Variants in ASTN2 observed in about 807,000 individuals in gnomAD.
ASTN2 encodes astrotactin-2.
Under a neutral mutation model 139.8 loss-of-function variants are expected in ASTN2, and 54 were observed. That is an observed-to-expected ratio of 0.39 (90% CI 0.31 to 0.48). The LOEUF (loss-of-function observed/expected upper bound fraction) is 0.48, where lower values mean the gene tolerates loss of function less well. ASTN2 is among the 20% of genes least tolerant of loss of function. ASTN2 has a pLI of 0.95. For missense variants in ASTN2, 1,565 were observed against 1,725.1 expected (o/e 0.91, Z 1.64); for synonymous variants, 756 against 719.5 (o/e 1.05, Z -0.81).
At chr9:116,848,735 C>T (rs1002343544) in intron 11 of ASTN2, among the ~76,000 whole-genome samples, 1 of 152,172 alleles carries the variant, frequency 6.6e-6, no homozygotes, top group African/African-American at 2.4e-5. Flanking sequence ...CCTCTGGTCA[C>T]CAAGAAGTGT....
chr9:117,137,857 C>T (rs67284826), intron 4 of ASTN2, among the ~76,000 whole-genome samples: 2 of 151,986 alleles, frequency 1.3e-5, no homozygotes, highest in Non-Finnish European at 2.9e-5. Flanking sequence ...AAATCACAAG[C>T]ATACTGTGAT....
At chr9:117,156,555 T>C (rs1259495098) in intron 3 of ASTN2, among the ~76,000 whole-genome samples, 1 of 151,992 alleles carries the variant, frequency 6.6e-6, no homozygotes, top group Non-Finnish European at 1.5e-5. Context: ...CTGCCAGATG[T>C]CCATTCAGGT....
At chr9:117,189,568 GA>G (rs545966445) in intron 3 of ASTN2, among the ~76,000 whole-genome samples, 372 of 152,238 alleles carry the variant, frequency 2.4e-3, no homozygotes, top group Non-Finnish European at 4.6e-3. Context: ...TCCATTTCTT[GA>G]GTCAAAACAC....
At chr9:116,835,771 G>GCTCTA (rs1278599897) in intron 11 of ASTN2, among the ~76,000 whole-genome samples, 3 of 152,214 alleles carry the variant, frequency 2.0e-5, no homozygotes, top group Admixed American at 2.0e-4. Context: ...TACAGAGTTT[G>GCTCTA]GCTCTTCTCA....
chr9:116,538,363 A>G (rs1696287505), intron 19 of ASTN2, among the ~76,000 whole-genome samples: 1 of 152,042 alleles, frequency 6.6e-6, no homozygotes, highest in African/African-American at 2.4e-5. Context: ...GAAGGAAGGA[A>G]ACAAGGAAGG....
intron 13 of ASTN2, among the ~76,000 whole-genome samples, chr9:116,742,443 A>G (rs988835865): frequency 1.9e-4 from 29 of 152,364 alleles, no homozygotes; most frequent in African/African-American, 6.5e-4. Context: ...GGAGTGCCTC[A>G]GTGACCCTCC....
At chr9:116,816,855 AGACAAAATG>A (rs1258385216) in intron 12 of ASTN2, among the ~76,000 whole-genome samples, 1 of 151,306 alleles carries the variant, frequency 6.6e-6, no homozygotes, top group Non-Finnish European at 1.5e-5. Flanking sequence ...TAAGAATTTG[AGACAAAATG>A]TAAATATTCC....
intron 17 of ASTN2, among the ~76,000 whole-genome samples, chr9:116,625,560 C>T (rs1856406788): frequency 8.1e-6 from 1 of 122,766 alleles, no homozygotes; most frequent in African/African-American, 3.0e-5. Context: ...CCAGCATGTC[C>T]TCTCACAGCT....
At chr9:117,160,937 GTACACACACACACACACGCACACA>G (rs1830536444) in intron 3 of ASTN2, among the ~76,000 whole-genome samples, 1 of 151,636 alleles carries the variant, frequency 6.6e-6, no homozygotes, top group Non-Finnish European at 1.5e-5. Context: ...AAATTATAAA[GTACACACACACACACACGCACACA>G]TACACACACA....
intron 20 of ASTN2, among the ~76,000 whole-genome samples, chr9:116,449,287 T>C (rs113346896): frequency 0.018 from 2,777 of 152,152 alleles, 82 homozygotes; most frequent in African/African-American, 0.064. Context: ...ACACTGGTAG[T>C]CCCAGCTACT....
intron 1 of ASTN2, among the ~76,000 whole-genome samples, chr9:117,401,188 T>C (rs4240422): frequency 0.53 from 79,836 of 151,926 alleles, 21,318 homozygotes; most frequent in Admixed American, 0.62. Flanking sequence ...ACTATCACCC[T>C]GATTTCTGCC....
intron 17 of ASTN2, among the ~76,000 whole-genome samples, chr9:116,628,647 G>A (rs746299135): frequency 6.6e-6 from 1 of 152,206 alleles, no homozygotes; most frequent in Non-Finnish European, 1.5e-5. Flanking sequence ...TAAGATACTG[G>A]TGTATACATG....
At chr9:117,357,520 G>T (rs533385786) in intron 1 of ASTN2, among the ~76,000 whole-genome samples, 2 of 152,084 alleles carry the variant, frequency 1.3e-5, no homozygotes, top group Admixed American at 1.3e-4. Flanking sequence ...AGCAGGTTCA[G>T]AGTGTTACCA....
chr9:117,012,445 G>A (rs1837563646), intron 6 of ASTN2, among the ~76,000 whole-genome samples: 2 of 152,128 alleles, frequency 1.3e-5, no homozygotes, highest in South Asian at 2.1e-4. Flanking sequence ...TTTACCCAAC[G>A]TTGATTAAAC....
intron 1 of ASTN2, among the ~76,000 whole-genome samples, chr9:117,407,773 T>C (rs1368104814): frequency 6.6e-6 from 1 of 152,176 alleles, no homozygotes; most frequent in African/African-American, 2.4e-5. Flanking sequence ...TGCCTGCCTC[T>C]TTCTGGGGGC....
In ASTN2 at chr9:116,863,628, G is replaced by T. The variant is rs533604068; in HGVS notation, c.1995C>A (p.Asn665Lys). The T allele has an allele frequency of 6.2e-7, 1 of 1,614,076 alleles. No individual in the cohort carries two copies. Among genetic ancestry groups the T allele is most frequent in the African/African-American group, 1.3e-5 (1 of 74,942 alleles). ...CCTGCCGGTCAGACACACACTTGAA[G>T]TTGCGAGTGCAGCCCCCATTGTTCC... ...CSRNNGGCTR[N>K]FKCVSDRQVD... Residue 665 changes from asparagine (N) to lysine (K), a missense_variant, in exon 11 of 23, where the codon AAC (asparagine) becomes AAA (lysine). Physicochemically the swap from Asn to Lys is moderately conservative, Grantham distance 94. This residue lies in a region of ASTN2 where 503 missense variants were observed against 591.7 expected (regional missense o/e 0.85). Coordinates refer to ENST00000313400, the MANE Select transcript of ASTN2 (RefSeq NM_001365068.1).
At chr9:116,887,535 G>T (rs1189342300) in intron 10 of ASTN2, among the ~76,000 whole-genome samples, 1 of 151,994 alleles carries the variant, frequency 6.6e-6, no homozygotes, top group Non-Finnish European at 1.5e-5. Context: ...GAACCAGCAG[G>T]GGCCAGGTCA....
At chr9:116,929,116 G>A (rs1398697420) in intron 10 of ASTN2, among the ~76,000 whole-genome samples, 4 of 152,202 alleles carry the variant, frequency 2.6e-5, no homozygotes, top group Non-Finnish European at 5.9e-5. Context: ...GAAAGGACTT[G>A]GGAACTAGAA....
chr9:117,107,364 G>A (rs905818934), intron 4 of ASTN2, among the ~76,000 whole-genome samples: 3 of 152,108 alleles, frequency 2.0e-5, no homozygotes, highest in African/African-American at 7.2e-5. Context: ...TTTCGACATA[G>A]TTAAGGTTTT....
Sources: gnomAD v4.1 joint callset for allele counts (sites outside exome capture counted in the v4.1 genomes callset) on GRCh38, gnomAD v4.1.1 for gene constraint, gnomAD v4.1.1 regional missense constraint, MANE v1.5 for transcripts, NCBI Gene and HGNC (gene_info 2026-07-23, HGNC 2026-07-21) for gene names.